The following KIF13A variants were observed in gnomAD, a reference collection of about 807,000 sequenced individuals.
The protein encoded by KIF13A is kinesin family member 13A.
In KIF13A, 79 loss-of-function variants were observed where a neutral mutation model predicts 212.2. That is an observed-to-expected ratio of 0.37 (90% CI 0.31 to 0.45). KIF13A has a LOEUF of 0.45. Ranked by LOEUF, KIF13A falls within the 20% of genes least tolerant of loss-of-function variation. The probability of loss-of-function intolerance (pLI) is 1.00; values close to 1 mark genes in which losing one functional copy is unlikely to be tolerated. For missense variants in KIF13A, 1,901 were observed against 2,209.0 expected (o/e 0.86, Z 2.79); for synonymous variants, 789 against 808.6 (o/e 0.98, Z 0.41).
chr6:17,923,896 AG>A (rs1775286091), intron 2 of KIF13A, among the ~76,000 whole-genome samples: 1 of 152,198 alleles, frequency 6.6e-6, no homozygotes, highest in African/African-American at 2.4e-5. Context: ...TTAGCAGCCC[AG>A]GAGAATAATA....
In KIF13A at chr6:17,823,217, A is replaced by G. The variant is rs148979039; in HGVS notation, c.1786+2551T>C. Among the ~76,000 whole-genome samples, 868 of 151,522 alleles carry G rather than the reference A, an allele frequency of 5.7e-3. 6 individuals are homozygous for G. The highest frequency in any genetic ancestry group is 0.02 in the African/African-American group (818 of 41,312). ...ATGCCTGGCTAAATTTTTATTTTTT[A>G]ATTTTTAGTAAAGACGGGGTTTCAC... On this transcript the variant is annotated intron_variant, in intron 16 of 38. Coordinates refer to ENST00000259711, the MANE Select transcript of KIF13A (RefSeq NM_022113.6).
At chr6:17,779,134 T>A in intron 32 of KIF13A, 35 bp from the exon 33 acceptor site, 1 of 1,596,152 alleles carries the variant, frequency 6.3e-7, no homozygotes, top group East Asian at 2.2e-5. Context: ...AATACTTTGA[T>A]GTGAACAACG....
intron 2 of KIF13A, among the ~76,000 whole-genome samples, chr6:17,959,852 C>T (rs1778663491): frequency 1.3e-5 from 2 of 152,146 alleles, no homozygotes; most frequent in South Asian, 2.1e-4. Flanking sequence ...GGAGAAACCT[C>T]GTCTTTCCTA....
intron 2 of KIF13A, among the ~76,000 whole-genome samples, chr6:17,940,189 C>T (rs1364615756): frequency 1.3e-5 from 2 of 150,964 alleles, no homozygotes; most frequent in Non-Finnish European, 2.9e-5. Context: ...CTCCTTTTTC[C>T]TCCTCTTCCT....
At chr6:17,930,893 T>C (rs974918322) in intron 2 of KIF13A, among the ~76,000 whole-genome samples, 3 of 152,184 alleles carry the variant, frequency 2.0e-5, no homozygotes, top group East Asian at 3.9e-4. Flanking sequence ...TTGCCTAGAA[T>C]TTGGTAGACT....
chr6:17,928,860 T>C (rs183292726), intron 2 of KIF13A, among the ~76,000 whole-genome samples: 1 of 152,108 alleles, frequency 6.6e-6, no homozygotes, highest in Admixed American at 6.5e-5. Flanking sequence ...ACATGAATCA[T>C]TTAAACCTGA....
At chr6:17,808,263 G>A (rs2018359) in intron 18 of KIF13A, among the ~76,000 whole-genome samples, 27,130 of 152,140 alleles carry the variant, frequency 0.18, 2,664 homozygotes, top group Admixed American at 0.27. Flanking sequence ...GTGCGCGCCT[G>A]TAATCCCAGC....
chr6:17,900,704 C>T lies in KIF13A; in HGVS notation c.147-2524G>A, dbSNP rs1404197641. On this transcript the variant is annotated intron_variant, in intron 2 of 38. Coordinates refer to ENST00000259711, the MANE Select transcript of KIF13A (RefSeq NM_022113.6). This position sits in a 1 kb window ranked among gnomAD's most constrained non-coding sequence, Gnocchi z 4.6. ...ACTTCATTCACTGATACAACCTGTA[C>T]TTCATTCATTGATACACCCTGTAAT... 6.6e-6 allele frequency among the ~76,000 whole-genome samples: 1 copy of T among 152,178 alleles called. No homozygotes were observed. The highest frequency in any genetic ancestry group is 1.5e-5 in the Non-Finnish European group (1 of 68,032).
rs2150484160 is a variant in KIF13A at position 17,899,288 on chromosome 6, C to G, written c.147-1108G>C. Reference sequence around the variant, plus strand: ...TTACTCTTGATCAACCTCTGATATCCTCAATTCATAAACTATAAAATTACT... The same window carrying G: ...TTACTCTTGATCAACCTCTGATATCGTCAATTCATAAACTATAAAATTACT... On this transcript the variant is annotated intron_variant, in intron 2 of 38. Transcript: ENST00000259711. This position sits in a 1 kb window ranked among gnomAD's most constrained non-coding sequence, Gnocchi z 5.2. Among the ~76,000 whole-genome samples the G allele has an allele frequency of 6.6e-6, 1 of 152,284 alleles. No individual in the cohort carries two copies. The highest frequency in any genetic ancestry group is 1.9e-4 in the East Asian group (1 of 5,184).
chr6:17,881,737 T>C (rs1486321827), intron 3 of KIF13A: 1 of 338,824 alleles, frequency 3.0e-6, no homozygotes, highest in Non-Finnish European at 5.8e-6. Flanking sequence ...GGCTCACGGC[T>C]GTAACCCTAG....
In KIF13A at chr6:17,825,428, C is replaced by T. The variant is rs1426619644; in HGVS notation, c.1786+340G>A. ...ATTCTGTTGGGGATTTTCACATTCTCAAGGATTCAGATATGACAGGCTCGA... is the reference window on the plus strand; with the variant it reads ...ATTCTGTTGGGGATTTTCACATTCTTAAGGATTCAGATATGACAGGCTCGA... On this transcript the variant is annotated intron_variant, in intron 16 of 38. Transcript: ENST00000259711. This position sits in a 1 kb window ranked among gnomAD's most constrained non-coding sequence, Gnocchi z 4.5. 6.6e-6 allele frequency among the ~76,000 whole-genome samples: 1 copy of T among 152,074 alleles called. No individual in the cohort carries two copies. The highest frequency in any genetic ancestry group is 1.5e-5 in the Non-Finnish European group (1 of 68,028).
intron 3 of KIF13A, among the ~76,000 whole-genome samples, chr6:17,877,073 C>T (rs1172499020): frequency 7.0e-6 from 1 of 141,968 alleles, no homozygotes; most frequent in Non-Finnish European, 1.5e-5. Flanking sequence ...ATTAAGATCT[C>T]GCAGGGAAAC....
At chr6:17,983,820 C>T (rs1428487318) in intron 2 of KIF13A, among the ~76,000 whole-genome samples, 1 of 152,074 alleles carries the variant, frequency 6.6e-6, no homozygotes, top group Non-Finnish European at 1.5e-5. Context: ...GGTACTCCAC[C>T]CCCTCACCTC....
At chr6:17,867,956 G>A (rs867344352) in intron 4 of KIF13A, among the ~76,000 whole-genome samples, 1 of 152,230 alleles carries the variant, frequency 6.6e-6, no homozygotes, top group African/African-American at 2.4e-5. Flanking sequence ...TCTTCCCACT[G>A]CATTAGTCCA....
In KIF13A at chr6:17,834,094, T is replaced by G. The variant is rs1461409040; in HGVS notation, c.1156-23A>C. ...GGCCTTTAAAATGAAATCAGAGATA[T>G]CTGATGTTCAAAATTTTTCCACCAT... On this transcript the variant is annotated intron_variant, in intron 11 of 38. Coordinates refer to ENST00000259711, the MANE Select transcript of KIF13A (RefSeq NM_022113.6). This position sits in a 1 kb window ranked among gnomAD's most constrained non-coding sequence, Gnocchi z 4.0. 6.7e-7 allele frequency: 1 copy of G among 1,490,482 alleles called. No individual in the cohort carries two copies. The highest frequency in any genetic ancestry group is 2.3e-5 in the Admixed American group (1 of 44,104). 92.3% of individuals were successfully genotyped at this position (1,490,482 alleles called of 1,614,324 possible). A position where few individuals can be genotyped will look rare whatever the true frequency, so the allele number is the denominator to read the frequency against.
intron 16 of KIF13A, chr6:17,821,771 C>T: frequency 6.5e-7 from 1 of 1,535,052 alleles, no homozygotes; most frequent in Non-Finnish European, 8.7e-7. Flanking sequence ...ATGCCAATGC[C>T]AATCAGTTAA....
In KIF13A at chr6:17,778,962, A is replaced by G; in HGVS notation, c.4077T>C (p.Leu1359=). 1 of 1,599,452 alleles carries G rather than the reference A, an allele frequency of 6.3e-7. No homozygotes were observed. The change falls in exon 33 of 39, where the codon CTT becomes CTC. Residue 1359 remains leucine (L), a synonymous_variant. Coordinates refer to ENST00000259711, the MANE Select transcript of KIF13A (RefSeq NM_022113.6). ...AGTTACTTGCCTGCCGGAGCCGTTC[A>G]AGACTCAGAATGTTTTCCACCTGCA... is the stretch of plus-strand genomic sequence containing the variant. ...GVLQVENILS[L]ERLRQAVTVK...
In KIF13A at chr6:17,825,727, G is replaced by A; in HGVS notation, c.1786+41C>T. 1 of 1,580,408 alleles carries A rather than the reference G, an allele frequency of 6.3e-7. No homozygotes were observed. The highest frequency in any genetic ancestry group is 1.4e-5 in the African/African-American group (1 of 73,788). ...TCCCTCACTGAATGGTGTGAGGTGA[G>A]GAAATGCCCAAGGCGCTGGAACACA... is the stretch of plus-strand genomic sequence containing the variant. On this transcript the variant is annotated intron_variant, in intron 16 of 38. Transcript: ENST00000259711. The surrounding 1 kb of genome is among the most constrained non-coding windows in gnomAD (Gnocchi z 4.5).
rs1266604006 is a variant in KIF13A at position 17,838,671 on chromosome 6, C to T, written c.831-1088G>A. On this transcript the variant is annotated intron_variant, in intron 9 of 38. Transcript: ENST00000259711. This position sits in a 1 kb window ranked among gnomAD's most constrained non-coding sequence, Gnocchi z 4.2. ...ATAAAAATATATAAAAGAAACAAGTCAGACACAGAAAAACAAATATTGCAT... is the reference window on the plus strand; with the variant it reads ...ATAAAAATATATAAAAGAAACAAGTTAGACACAGAAAAACAAATATTGCAT... Among the ~76,000 whole-genome samples the T allele has an allele frequency of 2.6e-5, 4 of 152,052 alleles. No individual in the cohort carries two copies. The highest frequency in any genetic ancestry group is 5.9e-5 in the Non-Finnish European group (4 of 68,010).
Sources: gnomAD v4.1 joint callset for allele counts (sites outside exome capture counted in the v4.1 genomes callset) on GRCh38, gnomAD v4.1.1 for gene constraint, Gnocchi (gnomAD v3.1) non-coding constraint, MANE v1.5 for transcripts, NCBI Gene and HGNC (gene_info 2026-07-23, HGNC 2026-07-21) for gene names.